C12orf42: variants seen among roughly 807,000 people sequenced by gnomAD.
The protein encoded by C12orf42 is uncharacterized protein C12orf42.
C12orf42 carries 25 observed loss-of-function variants against 21.6 expected under a neutral mutation model. The observed-to-expected ratio is 1.16, with a 90% confidence interval of 0.84 to 1.62. The LOEUF is 1.62. Among genes scored for constraint, C12orf42 ranks in the 40% most tolerant of loss-of-function variants. The pLI, the probability that C12orf42 is intolerant of heterozygous loss-of-function variation, is 0.00. For missense variants in C12orf42, 483 were observed against 459.3 expected, an observed-to-expected ratio of 1.05 and a Z score of -0.47; for synonymous variants, 174 against 175.0, an observed-to-expected ratio of 0.99 and a Z score of 0.05.
At position 103,342,135 on chromosome 12, in the gene C12orf42, C is replaced by T. The variant is rs2042220856; in HGVS notation, c.259+26752G>A. On this transcript the variant is annotated intron_variant, in intron 4 of 5. Coordinates refer to ENST00000548883, the MANE Select transcript of C12orf42 (RefSeq NM_198521.5). ...AGGCACATCTGAATTTTTACAGACCCTCTATGTAGTGGGGTGCAAGGGTAG... is the reference window on the plus strand; with the variant it reads ...AGGCACATCTGAATTTTTACAGACCTTCTATGTAGTGGGGTGCAAGGGTAG... 2.0e-5 allele frequency among the ~76,000 whole-genome samples: 3 copies of T among 152,146 alleles called. No individual in the cohort carries two copies. The South Asian group carries it at 6.2e-4, about 32-fold the overall frequency.
chr12:103,435,430 G>A (rs1468344511), intron 2 of C12orf42, among the ~76,000 whole-genome samples: 3 of 152,192 alleles, frequency 2.0e-5, no homozygotes, highest in Non-Finnish European at 4.4e-5. Context: ...AGAGAAGAAG[G>A]CTTCAGACGA....
Position 103,386,539 on chromosome 12 carries a change from T to A in C12orf42, c.147+15068A>T, listed in dbSNP as rs569509610. Among the ~76,000 whole-genome samples, 7 of 152,298 alleles carry A rather than the reference T, an allele frequency of 4.6e-5. No individual in the cohort carries two copies. The East Asian group carries it at 1.3e-3, about 29-fold the overall frequency. On this transcript the variant is annotated intron_variant, in intron 3 of 5. Transcript: ENST00000548883. ...AATGACTCTGGTTAAGTGCTCAAAG[T>A]CCTCTACCACTGGCAGTCTTCCTGA...
chr12:103,356,513 G>A (rs910397188), intron 4 of C12orf42, among the ~76,000 whole-genome samples: 10 of 151,980 alleles, frequency 6.6e-5, no homozygotes, highest in Admixed American at 6.6e-4. Flanking sequence ...ATAGCAGCAT[G>A]ATTTATAGTC....
At chr12:103,061,566 T>C in the C12orf42 span, among the ~76,000 whole-genome samples, 6 of 152,150 alleles carry the variant, frequency 3.9e-5, 1 homozygote, top group Admixed American at 3.9e-4. Flanking sequence ...TTACTTGGTA[T>C]GTATAAATTT....
chr12:103,226,948 G>A, the C12orf42 span, among the ~76,000 whole-genome samples: 1 of 152,146 alleles, frequency 6.6e-6, no homozygotes, highest in Non-Finnish European at 1.5e-5. Context: ...TTTACAACAA[G>A]AATTATTTAG....
intron 1 of C12orf42, among the ~76,000 whole-genome samples, chr12:103,490,112 G>A (rs1955099423): frequency 6.6e-6 from 1 of 152,190 alleles, no homozygotes; most frequent in Non-Finnish European, 1.5e-5. Flanking sequence ...TCAGGTTTAT[G>A]TATTGCTCCT....
At chr12:103,119,875 A>G in the C12orf42 span, among the ~76,000 whole-genome samples, 2 of 152,256 alleles carry the variant, frequency 1.3e-5, no homozygotes, top group Non-Finnish European at 2.9e-5. Flanking sequence ...TGCCATTTCA[A>G]TCCAAGCTTG....
At chr12:103,493,653 T>G (rs1955323137) in intron 1 of C12orf42, among the ~76,000 whole-genome samples, 1 of 143,162 alleles carries the variant, frequency 7.0e-6, no homozygotes, top group Admixed American at 7.2e-5. Flanking sequence ...ATTTTTGCCC[T>G]CCTCTTTAAA....
At chr12:103,507,164 AATATATATTTATATTATATATAATAT>A in the C12orf42 span, among the ~76,000 whole-genome samples, 1 of 26,284 alleles carries the variant, frequency 3.8e-5, no homozygotes. Context: ...ATATATATAT[AATATATATTTATATTATATATAATAT>A]ATATATATTT....
the C12orf42 span, among the ~76,000 whole-genome samples, chr12:103,087,429 A>G: frequency 6.6e-6 from 1 of 152,224 alleles, no homozygotes; most frequent in Non-Finnish European, 1.5e-5. Context: ...TTTGGATCCT[A>G]GCAGAGCCCG....
At chr12:103,484,547 C>T (rs941598445) in intron 1 of C12orf42, among the ~76,000 whole-genome samples, 1 of 151,998 alleles carries the variant, frequency 6.6e-6, no homozygotes, top group East Asian at 1.9e-4. Context: ...TTTGTAGATT[C>T]TGGATATTAG....
the C12orf42 span, among the ~76,000 whole-genome samples, chr12:103,112,328 T>C: frequency 6.6e-6 from 1 of 152,200 alleles, no homozygotes; most frequent in Admixed American, 6.5e-5. Context: ...TTTTACCTCA[T>C]TCATTTTGAT....
chr12:103,561,392 C>A, the C12orf42 span, among the ~76,000 whole-genome samples: 1 of 152,170 alleles, frequency 6.6e-6, no homozygotes, highest in East Asian at 1.9e-4. Context: ...GGCTGCAAGT[C>A]CAAGATCAGG....
At chr12:103,340,573 CA>C (rs2042073707) in intron 4 of C12orf42, among the ~76,000 whole-genome samples, 1 of 152,058 alleles carries the variant, frequency 6.6e-6, no homozygotes, top group Admixed American at 6.5e-5. Context: ...CAAAAATATC[CA>C]GCACCCAAAA....
At chr12:103,385,720 A>T (rs531545387) in intron 3 of C12orf42, among the ~76,000 whole-genome samples, 3 of 152,242 alleles carry the variant, frequency 2.0e-5, no homozygotes, top group Non-Finnish European at 4.4e-5. Flanking sequence ...TCTTAAAAAT[A>T]AAAGTTTTAC....
rs189042374 is a variant in C12orf42 at position 103,292,503 on chromosome 12, G to A, written n.338-15293C>T. Among the ~76,000 whole-genome samples, 723 of 152,152 alleles carry A rather than the reference G, an allele frequency of 4.8e-3. 6 individuals carry two copies. Among genetic ancestry groups the A allele is most frequent in the African/African-American group, 0.013 (543 of 41,530 alleles). ...AGAAGACCAAAAAGAAAGAAAGGAG[G>A]AAGGAAGCAGGGGTTCCACAATAAG... On this transcript the variant is annotated intron_variant and non_coding_transcript_variant, in intron 4 of 6. Coordinates refer to the C12orf42 transcript ENST00000546526.
In C12orf42 at chr12:103,460,761, T is replaced by C. The variant is rs574274182; in HGVS notation, c.78+17588A>G. Among the ~76,000 whole-genome samples, 6 of 152,274 alleles carry C rather than the reference T, an allele frequency of 3.9e-5. No individual in the cohort carries two copies. In the South Asian group the frequency reaches 1.2e-3, roughly 32 times the overall value. On this transcript the variant is annotated intron_variant, in intron 2 of 5. Coordinates refer to ENST00000548883, the MANE Select transcript of C12orf42 (RefSeq NM_198521.5). Reference sequence around the variant, plus strand: ...TTTAGTAAGAAATCCCATCTGTAAGTTGGGAACTAAATATGCATGTGTGAG... The same window carrying C: ...TTTAGTAAGAAATCCCATCTGTAAGCTGGGAACTAAATATGCATGTGTGAG...
At position 103,368,967 on chromosome 12, in the gene C12orf42, G is replaced by A. The variant is rs753145723; in HGVS notation, c.179C>T (p.Pro60Leu). The change falls in exon 4 of 6, where the codon CCC becomes CTC. Residue 60 changes from proline (P) to leucine (L), a missense_variant. By Grantham distance (98) the Pro-to-Leu change is moderately conservative. Coordinates refer to ENST00000548883, the MANE Select transcript of C12orf42 (RefSeq NM_198521.5). ...HIPCYERTSV[P>L]CSRFINHMKN... ...CATGTGATTAATGAATCTGGAGCAG[G>A]GTACTGAAGTTCTTTCATAACAAGG... is the stretch of plus-strand genomic sequence containing the variant. 1.9e-6 allele frequency: 3 copies of A among 1,598,412 alleles called. No individual in the cohort carries two copies. Among genetic ancestry groups the A allele is most frequent in the South Asian group, 2.3e-5 (2 of 88,350 alleles).
chr12:103,097,786 CT>C, the C12orf42 span, among the ~76,000 whole-genome samples: 11 of 152,184 alleles, frequency 7.2e-5, no homozygotes, highest in African/African-American at 2.7e-4. Flanking sequence ...TTCAATTATC[CT>C]TTTTAAAGTC....
Sources: allele counts gnomAD v4.1 joint callset (sites outside exome capture counted in the v4.1 genomes callset), GRCh38; gene constraint gnomAD v4.1.1; transcripts MANE v1.5; gene names NCBI Gene and HGNC (gene_info 2026-07-23, HGNC 2026-07-21).